The following CMTM2 variants were observed in gnomAD, a reference collection of about 807,000 sequenced individuals.
The protein encoded by CMTM2 is CKLF like MARVEL transmembrane domain containing 2.
Under a neutral mutation model 16.8 loss-of-function variants are expected in CMTM2, and 15 were observed. That is an observed-to-expected ratio of 0.89 (90% CI 0.60 to 1.37). The LOEUF is 1.37. CMTM2 is among the 40% of genes most tolerant of loss of function. The pLI, the probability that CMTM2 is intolerant of heterozygous loss-of-function variation, is 0.00. For synonymous variants in CMTM2, 117 were observed against 118.7 expected (o/e 0.99, Z 0.09); for missense variants, 282 against 318.0 (o/e 0.89, Z 0.86).
rs962933702 is a variant in CMTM2, at chr16:66,579,627, AG to A, written c.25del (p.Ala9ProfsTer67). 1.2e-6 allele frequency: 2 copies of A among 1,613,898 alleles called. No homozygotes were observed. Among genetic ancestry groups the A allele is most frequent in the Admixed American group, 1.7e-5 (1 of 60,004 alleles). On this transcript the variant is annotated frameshift_variant, in exon 1 of 4. Transcript: ENST00000268595. LOFTEE classifies it high-confidence loss of function. The surrounding 1 kb of genome is among the most constrained non-coding windows in gnomAD (Gnocchi z 6.5). MAPKAA[K>X]GAKPEPAPAP... The stretch of plus-strand genomic sequence containing the variant: ...TCAGTCATGGCACCTAAGGCGGCAA[AG>A]GGGGCCAAGCCAGAGCCAGCACCAG...
chr16:66,579,934 G>T lies in CMTM2; in HGVS notation c.285+42G>T. The T allele has an allele frequency of 5.0e-6, 8 of 1,610,020 alleles. No individual in the cohort carries two copies. Among genetic ancestry groups the T allele is most frequent in the Non-Finnish European group, 6.8e-6 (8 of 1,177,438 alleles). On this transcript the variant is annotated intron_variant, in intron 1 of 3. Transcript: ENST00000268595. The surrounding 1 kb of genome is among the most constrained non-coding windows in gnomAD (Gnocchi z 6.5). Reference sequence around the variant, plus strand: ...TCCCTGGGTGGGGGGCCTTGGCCGAGGGTGGGGGGAAGGAGGAGTAGGCTC... The same window carrying T: ...TCCCTGGGTGGGGGGCCTTGGCCGATGGTGGGGGGAAGGAGGAGTAGGCTC...
intron 2 of CMTM2, among the ~76,000 whole-genome samples, chr16:66,582,730 C>T (rs2014749769): frequency 6.6e-6 from 1 of 151,800 alleles, no homozygotes; most frequent in South Asian, 2.1e-4. Flanking sequence ...GTCAAGAAGC[C>T]AGGCACAGTG....
At position 66,579,724 on chromosome 16, in the gene CMTM2, A is replaced by C; in HGVS notation, c.117A>C (p.Gln39His). The C allele has an allele frequency of 6.2e-7, 1 of 1,613,486 alleles. No individual in the cohort carries two copies. The highest frequency in any genetic ancestry group is 8.5e-7 in the Non-Finnish European group (1 of 1,179,654). Reference protein sequence around the residue: ...KDGKEPSDKPQKAVQDHKEPS... With the variant: ...KDGKEPSDKPHKAVQDHKEPS... ...GTAAGGAGCCATCGGACAAACCTCA[A>C]AAGGCGGTGCAGGACCATAAGGAGC... Residue 39 changes from glutamine (Q) to histidine (H), a missense_variant, in exon 1 of 4, where the codon CAA becomes CAC. Gln to His is a conservative substitution (Grantham distance 24). Transcript: ENST00000268595. This position sits in a 1 kb window ranked among gnomAD's most constrained non-coding sequence, Gnocchi z 6.5.
Position 66,586,502 on chromosome 16 carries a change from G to C in CMTM2, c.445-495G>C, listed in dbSNP as rs60798945. On this transcript the variant is annotated intron_variant, in intron 2 of 3. Coordinates refer to ENST00000268595, the MANE Select transcript of CMTM2 (RefSeq NM_144673.3). ...AAAATACACACAAAAAAAAAATTAG[G>C]CAGGCTTGGTGGCACACACCTGTAG... Among the ~76,000 whole-genome samples the C allele has an allele frequency of 7.7e-3, 1,172 of 152,106 alleles. 20 individuals are homozygous for C. Among genetic ancestry groups the C allele is most frequent in the African/African-American group, 0.027 (1,123 of 41,502 alleles).
At chr16:66,587,166 C>G (rs1403529519) in intron 3 of CMTM2, 68 bp downstream of exon 3, 1 of 1,275,804 alleles carries the variant, frequency 7.8e-7, no homozygotes, top group Non-Finnish European at 1.1e-6. Context: ...GGGTGTTGTC[C>G]TCTGTTTAAG....
At chr16:66,581,232 C>A (rs2014733338) in intron 2 of CMTM2, among the ~76,000 whole-genome samples, 1 of 151,540 alleles carries the variant, frequency 6.6e-6, no homozygotes, top group African/African-American at 2.4e-5. Context: ...AATAAGGACT[C>A]TCAGAAAAGG....
At chr16:66,582,975 C>G (rs1415081074) in intron 2 of CMTM2, among the ~76,000 whole-genome samples, 1 of 152,188 alleles carries the variant, frequency 6.6e-6, no homozygotes, top group East Asian at 1.9e-4. Context: ...GAGATGCTTA[C>G]TAGCTTCTCT....
In CMTM2 at chr16:66,580,054, T is replaced by C. The variant is rs1258411053; in HGVS notation, c.314T>C (p.Leu105Ser). Reference protein sequence around the residue: ...LGCLIAAMILLSSLTVHPILR... With the variant: ...LGCLIAAMILSSSLTVHPILR... ...TGCCTAATAGCTGCAATGATACTGTTGTCCTCACTCACCGTGCACCCCATC... is the reference window on the plus strand; with the variant it reads ...TGCCTAATAGCTGCAATGATACTGTCGTCCTCACTCACCGTGCACCCCATC... Residue 105 changes from leucine to serine, a missense_variant, in exon 2 of 4, where the codon TTG (leucine) becomes TCG (serine). Coordinates refer to ENST00000268595, the MANE Select transcript of CMTM2 (RefSeq NM_144673.3). 1 of 1,614,206 alleles carries C rather than the reference T, an allele frequency of 6.2e-7. No individual in the cohort carries two copies. The highest frequency in any genetic ancestry group is 8.5e-7 in the Non-Finnish European group (1 of 1,180,038).
rs755473676 is a variant in CMTM2, at chr16:66,580,036, T to C, written c.296T>C (p.Ile99Thr). 3.4e-5 allele frequency: 55 copies of C among 1,614,036 alleles called. No individual in the cohort carries two copies. Among genetic ancestry groups the C allele is most frequent in the Non-Finnish European group, 4.4e-5 (52 of 1,180,022 alleles). The change falls in exon 2 of 4, where the codon ATA becomes ACA. Residue 99 changes from isoleucine to threonine, a missense_variant. Coordinates refer to ENST00000268595, the MANE Select transcript of CMTM2 (RefSeq NM_144673.3). ...TATGTCTCACTGCAGGGCTGCCTAA[T>C]AGCTGCAATGATACTGTTGTCCTCA... is the stretch of plus-strand genomic sequence containing the variant. The part of the protein sequence containing the change: ...EIKIRSLGCL[I>T]AAMILLSSLT...
Position 66,579,873 on chromosome 16 carries a change from A to G in CMTM2, c.266A>G (p.Glu89Gly). ...GAGTTCTGGCTCTTGGGGCACGCTG[A>G]GATCAAGATTCGGAGTTTGGTGAGC... ...NKEFWLLGHA[E>G]IKIRSLGCLI... is the part of the protein sequence containing the mutation. Residue 89 changes from glutamate to glycine, a missense_variant, in exon 1 of 4, where the codon GAG becomes GGG. Coordinates refer to ENST00000268595, the MANE Select transcript of CMTM2 (RefSeq NM_144673.3). This position sits in a 1 kb window ranked among gnomAD's most constrained non-coding sequence, Gnocchi z 6.5. The G allele has an allele frequency of 6.2e-7, 1 of 1,606,424 alleles. No individual in the cohort carries two copies. Among genetic ancestry groups the G allele is most frequent in the Non-Finnish European group, 8.5e-7 (1 of 1,175,680 alleles).
chr16:66,585,489 T>G (rs2014782429), intron 2 of CMTM2, among the ~76,000 whole-genome samples: 2 of 152,236 alleles, frequency 1.3e-5, no homozygotes, highest in Non-Finnish European at 2.9e-5. Context: ...TACTTTTTAT[T>G]TAAATATAAA....
chr16:66,588,078 G>A lies in CMTM2; in HGVS notation c.706G>A (p.Glu236Lys). 6.2e-7 allele frequency: 1 copy of A among 1,613,250 alleles called. No individual in the cohort carries two copies. Among genetic ancestry groups the A allele is most frequent in the Non-Finnish European group, 8.5e-7 (1 of 1,180,030 alleles). Residue 236 changes from glutamate to lysine, a missense_variant, in exon 4 of 4, where the codon GAA becomes AAA. By Grantham distance (56) the Glu-to-Lys change is moderately conservative (BLOSUM62 1). Coordinates refer to ENST00000268595, the MANE Select transcript of CMTM2 (RefSeq NM_144673.3). ...GKGPEPAKPP[E>K]PGKPPGPAKG... ...GGGACCAGAACCCGCCAAGCCACCA[G>A]AACCTGGCAAGCCACCAGGGCCAGC... is the stretch of plus-strand genomic sequence containing the variant.
chr16:66,583,538 A>G (rs1164242406), intron 2 of CMTM2, among the ~76,000 whole-genome samples: 1 of 152,090 alleles, frequency 6.6e-6, no homozygotes, highest in Non-Finnish European at 1.5e-5. Flanking sequence ...ACAGCAACAC[A>G]AACTACAAGG....
chr16:66,579,741 A>C lies in CMTM2; in HGVS notation c.134A>C (p.His45Pro). Residue 45 changes from histidine (H) to proline (P), a missense_variant, in exon 1 of 4, where the codon CAT becomes CCT. Physicochemically the swap from His to Pro is moderately conservative, Grantham distance 77. Coordinates refer to ENST00000268595, the MANE Select transcript of CMTM2 (RefSeq NM_144673.3). The surrounding 1 kb of genome is among the most constrained non-coding windows in gnomAD (Gnocchi z 6.5). ...SDKPQKAVQD[H>P]KEPSDKPQKA... ...AAACCTCAAAAGGCGGTGCAGGACC[A>C]TAAGGAGCCATCGGACAAACCTCAA... is the stretch of plus-strand genomic sequence containing the variant. 6.2e-7 allele frequency: 1 copy of C among 1,613,610 alleles called. No individual in the cohort carries two copies. Among genetic ancestry groups the C allele is most frequent in the Non-Finnish European group, 8.5e-7 (1 of 1,179,692 alleles).
intron 2 of CMTM2, among the ~76,000 whole-genome samples, chr16:66,585,409 A>G (rs1296075484): frequency 6.6e-6 from 1 of 152,230 alleles, no homozygotes; most frequent in Non-Finnish European, 1.5e-5. Flanking sequence ...CATCAGTTAA[A>G]ATTAATAAAT....
intron 3 of CMTM2, 79 bp from the exon 4 acceptor site, chr16:66,587,840 G>A: frequency 7.0e-7 from 1 of 1,438,020 alleles, no homozygotes; most frequent in Non-Finnish European, 9.7e-7. Context: ...AGCACCCCCT[G>A]ATGAATGAGA....
intron 2 of CMTM2, 143 bp from the exon 3 acceptor site, chr16:66,586,854 G>A (rs887142491): frequency 1.9e-5 from 12 of 646,386 alleles, no homozygotes; most frequent in Admixed American, 4.7e-5. Flanking sequence ...CACCTAGCCC[G>A]GTGTGTGTTT....
At chr16:66,582,349 G>A (rs1271286380) in intron 2 of CMTM2, among the ~76,000 whole-genome samples, 1 of 152,180 alleles carries the variant, frequency 6.6e-6, no homozygotes, top group Non-Finnish European at 1.5e-5. Flanking sequence ...CCAGAACACA[G>A]CACACAGAGA....
In CMTM2 at chr16:66,588,052, A is replaced by C. The variant is rs370183996; in HGVS notation, c.680A>C (p.Lys227Thr). ...AAGGAAAAAGGACCCCAGCAGGGCA[A>C]GGGACCAGAACCCGCCAAGCCACCA... ...PGKEKGPQQG[K>T]GPEPAKPPEP... The change falls in exon 4 of 4, where the codon AAG becomes ACG. Residue 227 changes from lysine to threonine, a missense_variant. By Grantham distance (78) the Lys-to-Thr change is moderately conservative. Coordinates refer to ENST00000268595, the MANE Select transcript of CMTM2 (RefSeq NM_144673.3). 6.2e-7 allele frequency: 1 copy of C among 1,613,568 alleles called. No individual in the cohort carries two copies. Among genetic ancestry groups the C allele is most frequent in the Non-Finnish European group, 8.5e-7 (1 of 1,180,032 alleles).
Sources: gnomAD v4.1 joint callset for allele counts (sites outside exome capture counted in the v4.1 genomes callset) on GRCh38, gnomAD v4.1.1 for gene constraint, Gnocchi (gnomAD v3.1) non-coding constraint, MANE v1.5 for transcripts, NCBI Gene and HGNC (gene_info 2026-07-23, HGNC 2026-07-21) for gene names.